Variants in GPLD1 observed in about 807,000 individuals in gnomAD.
GPLD1 encodes the protein glycosylphosphatidylinositol specific phospholipase D1, also known as phosphatidylinositol-glycan-specific phospholipase D.
Under a neutral mutation model 112.6 loss-of-function variants are expected in GPLD1, and 84 were observed. The observed-to-expected ratio is 0.75, with a 90% CI of 0.63 to 0.89. The LOEUF is 0.89. GPLD1 is among the 40% of genes least tolerant of loss of function. GPLD1 has a pLI of 0.00. For missense variants in GPLD1, 1,044 were observed against 1,051.5 expected (o/e 0.99, Z 0.10); for synonymous variants, 386 against 403.8 (o/e 0.96, Z 0.53).
At chr6:24,457,399 T>C (rs993726911) in intron 12 of GPLD1, among the ~76,000 whole-genome samples, 2 of 152,044 alleles carry the variant, frequency 1.3e-5, no homozygotes, top group African/African-American at 4.8e-5. Flanking sequence ...GAGGATCACC[T>C]GCATCCAAGA....
At chr6:24,424,586 T>C (rs1762165210), downstream of GPLD1, 2 of 152,182 alleles carry the variant, frequency 1.3e-5, no homozygotes, top group African/African-American at 4.8e-5. Context: ...GAGATTTGGG[T>C]TTAAAACAAA....
chr6:24,455,672 C>G (rs1336695238), intron 13 of GPLD1, among the ~76,000 whole-genome samples: 4 of 152,176 alleles, frequency 2.6e-5, no homozygotes, highest in African/African-American at 9.7e-5. Context: ...ATCACTATAA[C>G]AGCTATCTGC....
Position 24,449,797 on chromosome 6 carries a change from T to A in GPLD1, c.1438A>T (p.Thr480Ser). Reference sequence around the variant, plus strand: ...TCCAGCAGCAGCCTTACTTTGTAGGTGAGCTGCTCGGAGCCCACCGAGGGA... The same window carrying A: ...TCCAGCAGCAGCCTTACTTTGTAGGAGAGCTGCTCGGAGCCCACCGAGGGA... ...GAPSVGSEQLTYKGAVYVYFG... is the reference protein window; with the variant it reads ...GAPSVGSEQLSYKGAVYVYFG... The change falls in exon 15 of 25, where the codon ACC (threonine) becomes TCC (serine). Residue 480 changes from threonine (T) to serine (S), a missense_variant. Physicochemically the swap from Thr to Ser is moderately conservative, Grantham distance 58. Transcript: ENST00000230036. 1 of 1,606,832 alleles carries A rather than the reference T, an allele frequency of 6.2e-7. No individual in the cohort carries two copies. The highest frequency in any genetic ancestry group is 1.1e-5 in the South Asian group (1 of 90,840).
At chr6:24,449,940 G>GGCT (rs1554130673) in intron 14 of GPLD1, 41 bp from the exon 15 acceptor site, 1 of 1,409,930 alleles carries the variant, frequency 7.1e-7, no homozygotes, top group African/African-American at 1.4e-5. Context: ...CTGAGCCACG[G>GGCT]CCTCGGAAAG....
intron 22 of GPLD1, among the ~76,000 whole-genome samples, chr6:24,433,737 C>G (rs1437577969): frequency 6.6e-6 from 1 of 152,006 alleles, no homozygotes; most frequent in Non-Finnish European, 1.5e-5. Flanking sequence ...TCAGGTGATC[C>G]ACCCACCTCA....
chr6:24,475,260 G>T, intron 4 of GPLD1, 29 bp from the exon 5 acceptor site: 1 of 1,082,924 alleles, frequency 9.2e-7, no homozygotes, highest in Non-Finnish European at 1.4e-6. Context: ...AGAGTCATGT[G>T]TGTTTGGGTG....
In GPLD1 at chr6:24,460,298, C is replaced by G; in HGVS notation, c.989G>C (p.Ser330Thr). Residue 330 changes from serine to threonine, a missense_variant, in exon 12 of 25, where the codon AGT becomes ACT. Physicochemically the swap from Ser to Thr is moderately conservative, Grantham distance 58 (BLOSUM62 1). Transcript: ENST00000230036. ...INYTERGVFF[S>T]VNSWTPDSMS... ...TCTTACCGGGGTCCAGGAATTTACA[C>G]TAAAGAACACTCCTCTTTCAGTATA... 1 of 1,613,716 alleles carries G rather than the reference C, an allele frequency of 6.2e-7. No homozygotes were observed. Among genetic ancestry groups the G allele is most frequent in the Non-Finnish European group, 8.5e-7 (1 of 1,179,670 alleles).
intron 24 of GPLD1, among the ~76,000 whole-genome samples, chr6:24,432,614 A>C (rs1051772384): frequency 2.0e-5 from 3 of 152,000 alleles, no homozygotes; most frequent in African/African-American, 7.3e-5. Context: ...AATAATAAAG[A>C]AAGAAAAAAC....
At chr6:24,442,355 A>C (rs1253188526) in intron 20 of GPLD1, among the ~76,000 whole-genome samples, 1 of 150,198 alleles carries the variant, frequency 6.7e-6, no homozygotes, top group Non-Finnish European at 1.5e-5. Context: ...TCTTGGGCTC[A>C]AGCAATCTTC....
In GPLD1 at chr6:24,495,112, C is replaced by G. The variant is rs1251540347; in HGVS notation, n.94G>C. The G allele has an allele frequency of 2.3e-6, 3 of 1,310,908 alleles. No homozygotes were observed. The African/African-American group carries it at 4.6e-5, about 20-fold the overall frequency. The allele number at this position is 1,310,908 out of a possible 1,614,324, so 81.2% of individuals were successfully genotyped here. ...CTGGTCCCTGCCTCCGGGCCTGCGCCCGGCCCGGCCCAGCTCCGCTGCTAC... is the reference window on the plus strand; with the variant it reads ...CTGGTCCCTGCCTCCGGGCCTGCGCGCGGCCCGGCCCAGCTCCGCTGCTAC... On this transcript the variant is annotated non_coding_transcript_exon_variant, in exon 1 of 11. Coordinates refer to the GPLD1 transcript ENST00000474784.
At chr6:24,451,846 C>T (rs373529227) in intron 14 of GPLD1, among the ~76,000 whole-genome samples, 1 of 152,176 alleles carries the variant, frequency 6.6e-6, no homozygotes. Context: ...ACACAAAACA[C>T]GCTAGGGCAG....
chr6:24,449,977 G>A, intron 14 of GPLD1, 78 bp from the exon 15 acceptor site: 1 of 1,003,726 alleles, frequency 1.0e-6, no homozygotes. Flanking sequence ...AGGGAGTAGA[G>A]AGGCCTGGGA....
intron 20 of GPLD1, among the ~76,000 whole-genome samples, chr6:24,437,787 G>C (rs1006598610): frequency 6.6e-6 from 1 of 152,182 alleles, no homozygotes; most frequent in Admixed American, 6.5e-5. Flanking sequence ...GCCTGGAATA[G>C]AGGCATATGC....
chr6:24,473,181 T>C (rs1353707844), intron 6 of GPLD1: 1 of 152,830 alleles, frequency 6.5e-6, no homozygotes, highest in Non-Finnish European at 1.5e-5. Context: ...AAAGGTGTTT[T>C]TTGTTTTACT....
chr6:24,453,969 A>C, intron 14 of GPLD1, 46 bp downstream of exon 14: 1 of 1,224,390 alleles, frequency 8.2e-7, no homozygotes, highest in Non-Finnish European at 1.2e-6. Flanking sequence ...AAAATGCAAG[A>C]GTAGCTACTA....
intron 12 of GPLD1, among the ~76,000 whole-genome samples, chr6:24,459,520 G>A (rs1015118412): frequency 6.6e-6 from 1 of 152,186 alleles, no homozygotes; most frequent in Non-Finnish European, 1.5e-5. Flanking sequence ...GCCACTTAAA[G>A]TGCTGGGATT....
chr6:24,429,853 A>G (rs1581722942), intron 24 of GPLD1, among the ~76,000 whole-genome samples: 1 of 152,108 alleles, frequency 6.6e-6, no homozygotes, highest in Non-Finnish European at 1.5e-5. Context: ...TGGTCTTTAA[A>G]TATTTTCAGT....
upstream of GPLD1, chr6:24,495,215 C>A (rs1200016885): frequency 4.6e-6 from 7 of 1,509,558 alleles, no homozygotes; most frequent in Admixed American, 1.4e-4. Context: ...TCCCGGCCGC[C>A]GCCACCTTCC....
chr6:24,442,069 T>C (rs1306466104), intron 20 of GPLD1, among the ~76,000 whole-genome samples: 1 of 149,200 alleles, frequency 6.7e-6, no homozygotes, highest in African/African-American at 2.4e-5. Context: ...ACACACTTTA[T>C]AAATTAGCAT....
Sources: allele counts gnomAD v4.1 joint callset (sites outside exome capture counted in the v4.1 genomes callset), GRCh38; gene constraint gnomAD v4.1.1; transcripts MANE v1.5; gene names NCBI Gene and HGNC (gene_info 2026-07-23, HGNC 2026-07-21).